SATL1: variants seen among roughly 807,000 people sequenced by gnomAD.
The protein encoded by SATL1 is spermidine/spermine N(1)-acetyltransferase-like protein 1.
SATL1 carries 47 observed loss-of-function variants against 51.8 expected under a neutral mutation model. That is an observed-to-expected ratio of 0.91 (90% CI 0.72 to 1.16). The LOEUF is 1.16. Ranked by LOEUF, SATL1 falls within the 50% of genes most tolerant of loss-of-function variation. The pLI is 0.00. For missense variants in SATL1, 520 were observed against 526.4 expected (o/e 0.99, Z 0.12); for synonymous variants, 176 against 182.4 (o/e 0.97, Z 0.28).
intron 2 of SATL1, among the ~76,000 whole-genome samples, chrX:85,132,486 A>T (rs1275189032): frequency 1.8e-5 from 2 of 110,967 alleles, no homozygotes; most frequent in Non-Finnish European, 3.8e-5. Context: ...TCATGCTGTG[A>T]TTTTCAGCTC....
At chrX:85,235,465 C>A (rs1013641544) in intron 1 of SATL1, among the ~76,000 whole-genome samples, 32 of 109,303 alleles carry the variant, frequency 2.9e-4, no homozygotes, top group African/African-American at 8.0e-4. Context: ...TTAAGAAATT[C>A]AAAAAAAATT....
chrX:85,188,485 T>C (rs1281679924), intron 2 of SATL1, among the ~76,000 whole-genome samples: 1 of 111,268 alleles, frequency 9.0e-6, no homozygotes, highest in Non-Finnish European at 1.9e-5. Flanking sequence ...GATAGGTTTC[T>C]CAAAAATGTT....
At chrX:85,184,094 A>G (rs186295001) in intron 2 of SATL1, among the ~76,000 whole-genome samples, 3 of 111,474 alleles carry the variant, frequency 2.7e-5, no homozygotes, top group East Asian at 5.7e-4. Flanking sequence ...AGTTCCATCT[A>G]TATTGTTGCA....
intron 2 of SATL1, among the ~76,000 whole-genome samples, chrX:85,128,961 G>C (rs772806663): frequency 1.8e-5 from 2 of 111,587 alleles, no homozygotes; most frequent in Non-Finnish European, 3.8e-5. Context: ...AGTTGTAGAT[G>C]TGTGGTGTTA....
chrX:85,138,160 T>G (rs1197578868), intron 2 of SATL1, among the ~76,000 whole-genome samples: 1 of 112,706 alleles, frequency 8.9e-6, no homozygotes, highest in African/African-American at 3.2e-5. Flanking sequence ...CTGGTTCTGG[T>G]GCTTTGTCTC....
At chrX:85,111,233 C>T (rs930633992) in intron 2 of SATL1, among the ~76,000 whole-genome samples, 1 of 112,615 alleles carries the variant, frequency 8.9e-6, no homozygotes, top group East Asian at 2.8e-4. Flanking sequence ...GTTTCATAAT[C>T]TAGAATTGGT....
chrX:85,179,014 T>C (rs1927143222), intron 2 of SATL1, among the ~76,000 whole-genome samples: 1 of 112,203 alleles, frequency 8.9e-6, no homozygotes, highest in Non-Finnish European at 1.9e-5. Flanking sequence ...GAACTTTCCG[T>C]GATGATGTAA....
chrX:85,195,018 GTA>G (rs35656305), intron 2 of SATL1, among the ~76,000 whole-genome samples: 8,670 of 104,438 alleles, frequency 0.083, 812 homozygotes, highest in African/African-American at 0.27. Flanking sequence ...GACTTAAAGT[GTA>G]TATATATATA....
intron 4 of SATL1, among the ~76,000 whole-genome samples, chrX:85,102,635 A>G (rs1194082309): frequency 2.7e-5 from 3 of 111,256 alleles, no homozygotes; most frequent in African/African-American, 9.8e-5. Context: ...GCTGGAGTAT[A>G]CAAAGTATTT....
At chrX:85,211,154 T>C (rs1050393855) in intron 2 of SATL1, 5 of 112,002 alleles carry the variant, frequency 4.5e-5, no homozygotes, top group Non-Finnish European at 9.4e-5. Context: ...AAATAACTGT[T>C]ATCAAAGTGG....
chrX:85,131,216 C>T (rs751007870), intron 2 of SATL1, among the ~76,000 whole-genome samples: 1 of 111,360 alleles, frequency 9.0e-6, no homozygotes, highest in Non-Finnish European at 1.9e-5. Flanking sequence ...AACTTTTTGT[C>T]TAGTTGATCT....
At chrX:85,172,025 T>C (rs760657638) in intron 2 of SATL1, among the ~76,000 whole-genome samples, 1 of 111,569 alleles carries the variant, frequency 9.0e-6, no homozygotes, top group East Asian at 2.8e-4. Context: ...AAGTGATCAC[T>C]GTGGCCACAA....
intron 2 of SATL1, among the ~76,000 whole-genome samples, chrX:85,122,891 A>G (rs1230493655): frequency 1.8e-5 from 2 of 111,663 alleles, no homozygotes; most frequent in Non-Finnish European, 3.8e-5. Context: ...GCCCCCACTG[A>G]TAAGTGAGAA....
At chrX:85,184,031 G>A (rs999119795) in intron 2 of SATL1, among the ~76,000 whole-genome samples, 2 of 111,742 alleles carry the variant, frequency 1.8e-5, no homozygotes, top group African/African-American at 6.5e-5. Flanking sequence ...AAATAAGTGA[G>A]AACATGTGAA....
chrX:85,236,962 A>G (rs1426750550), intron 1 of SATL1, among the ~76,000 whole-genome samples: 2 of 111,698 alleles, frequency 1.8e-5, no homozygotes, highest in Non-Finnish European at 3.8e-5. Flanking sequence ...AAATTCAGTA[A>G]CATTACGGGA....
At chrX:85,229,383 A>C (rs1928335529) in intron 1 of SATL1, among the ~76,000 whole-genome samples, 1 of 111,826 alleles carries the variant, frequency 8.9e-6, no homozygotes, top group African/African-American at 3.2e-5. Context: ...AAGAGCAATT[A>C]ATCCTTGATT....
intron 1 of SATL1, among the ~76,000 whole-genome samples, chrX:85,232,928 C>T (rs1388962239): frequency 9.0e-6 from 1 of 111,731 alleles, no homozygotes; most frequent in African/African-American, 3.3e-5. Flanking sequence ...ATTGTAGAGC[C>T]GTAGGGCCTT....
Position 85,103,876 on chromosome X carries a change from A to T in SATL1, c.1681T>A (p.Leu561Ile). The change falls in exon 4 of 8, where the codon TTA becomes ATA. Residue 561 changes from leucine to isoleucine, a missense_variant. By Grantham distance (5) the Leu-to-Ile change is conservative (BLOSUM62 2). This residue lies in a region of SATL1 where 488 missense variants were observed against 474.3 expected (regional missense o/e 1.03). Coordinates refer to ENST00000644105, the MANE Select transcript of SATL1 (RefSeq NM_001367857.2). Reference sequence around the variant, plus strand: ...CAAAACACCTTACCAGCTGCTGTTAACTCCATTGCATCTAGCATGTTTTCA... The same window carrying T: ...CAAAACACCTTACCAGCTGCTGTTATCTCCATTGCATCTAGCATGTTTTCA... The part of the protein sequence containing the change: ...ACENMLDAME[L>I]TAADLLRDGF... The T allele has an allele frequency of 8.4e-7, 1 of 1,193,533 alleles. No homozygotes were observed. Among genetic ancestry groups the T allele is most frequent in the East Asian group, 3.0e-5 (1 of 33,507 alleles).
At chrX:85,218,119 T>C (rs1928090090) in intron 2 of SATL1, among the ~76,000 whole-genome samples, 1 of 104,674 alleles carries the variant, frequency 9.6e-6, no homozygotes, top group Admixed American at 1.0e-4. Flanking sequence ...CACTTTAGAG[T>C]GGAGAGTAGA....
Sources: allele counts gnomAD v4.1 joint callset (sites outside exome capture counted in the v4.1 genomes callset), GRCh38; gene constraint gnomAD v4.1.1; regional missense constraint gnomAD v4.1.1; transcripts MANE v1.5; gene names NCBI Gene and HGNC (gene_info 2026-07-23, HGNC 2026-07-21).